SEMA6A: variants seen among roughly 807,000 people sequenced by gnomAD.
The protein encoded by SEMA6A is semaphorin 6A, also known as semaphorin-6A.
SEMA6A carries 25 observed loss-of-function variants against 96.8 expected under a neutral mutation model. The ratio of observed to expected loss-of-function variants is 0.26; its 90% confidence interval spans 0.19 to 0.36. The LOEUF (loss-of-function observed/expected upper bound fraction) is 0.36, where lower values mean the gene tolerates loss of function less well. Ranked by LOEUF, SEMA6A falls within the 10% of genes least tolerant of loss-of-function variation. SEMA6A has a pLI of 1.00. For synonymous variants in SEMA6A, 612 were observed against 518.0 expected, an observed-to-expected ratio of 1.18 and a Z score of -2.46; for missense variants, 1,363 against 1,323.1, an observed-to-expected ratio of 1.03 and a Z score of -0.47.
At chr5:116,463,750 C>T (rs947951441) in intron 18 of SEMA6A, among the ~76,000 whole-genome samples, 1 of 152,146 alleles carries the variant, frequency 6.6e-6, no homozygotes, top group African/African-American at 2.4e-5. Flanking sequence ...ATGGGAACTG[C>T]TCTATATTTA....
chr5:116,509,265 C>CT (rs1758290703), intron 1 of SEMA6A, among the ~76,000 whole-genome samples: 1 of 152,168 alleles, frequency 6.6e-6, no homozygotes, highest in African/African-American at 2.4e-5. Flanking sequence ...TTTAACAACT[C>CT]CAAGTGTGGG....
intron 1 of SEMA6A, among the ~76,000 whole-genome samples, chr5:116,544,325 G>A (rs1199921565): frequency 6.7e-6 from 1 of 150,356 alleles, no homozygotes; most frequent in African/African-American, 2.4e-5. Flanking sequence ...GTCTTACTCT[G>A]TCACCTAGAC....
At chr5:116,537,920 T>A (rs1280166745) in intron 1 of SEMA6A, among the ~76,000 whole-genome samples, 2 of 152,180 alleles carry the variant, frequency 1.3e-5, no homozygotes, top group Non-Finnish European at 2.9e-5. Flanking sequence ...CTCATGCCTA[T>A]AATCCCAGCA....
At chr5:116,480,446 T>TCCTCTGAGCCG (rs1756693996) in intron 11 of SEMA6A, among the ~76,000 whole-genome samples, 169 bp from the exon 12 acceptor site, 1 of 152,166 alleles carries the variant, frequency 6.6e-6, no homozygotes, top group Non-Finnish European at 1.5e-5. Context: ...TGCTGAGATT[T>TCCTCTGAGCCG]CCTCTGAGCC....
At chr5:116,461,487 TTAAAA>T (rs1755393859) in intron 18 of SEMA6A, among the ~76,000 whole-genome samples, 1 of 92,806 alleles carries the variant, frequency 1.1e-5, no homozygotes, top group African/African-American at 3.3e-5. Context: ...AAGCTTAGGC[TTAAAA>T]AAAATAAAAG....
rs758191729 is a variant in SEMA6A at position 116,480,185 on chromosome 5, G to A, written c.1187C>T (p.Pro396Leu). Residue 396 changes from proline (P) to leucine (L), a missense_variant, in exon 12 of 19, where the codon CCG becomes CTG. Pro to Leu is a moderately conservative substitution (Grantham distance 98, BLOSUM62 -3). Around this residue, in one of 2 missense-constraint regions of SEMA6A, gnomAD observed 480 missense variants for 559.5 expected, o/e 0.86. Coordinates refer to ENST00000343348, the MANE Select transcript of SEMA6A (RefSeq NM_020796.5). ...GGAGGGCACTGCCTCATCCATGAGC[G>A]GGTGCGTCTTGATGAAGTTCAGGGT... is the stretch of plus-strand genomic sequence containing the variant. The part of the protein sequence containing the change: ...DDTLNFIKTH[P>L]LMDEAVPSIF... 5 of 1,613,802 alleles carry A rather than the reference G, an allele frequency of 3.1e-6. No homozygotes were observed. Among genetic ancestry groups the A allele is most frequent in the East Asian group, 2.2e-5 (1 of 44,874 alleles).
chr5:116,562,002 T>C (rs1760835546), intron 1 of SEMA6A, among the ~76,000 whole-genome samples: 1 of 152,202 alleles, frequency 6.6e-6, no homozygotes, highest in African/African-American at 2.4e-5. Context: ...GTGTTACCTT[T>C]TCTCTTGGCT....
intron 18 of SEMA6A, among the ~76,000 whole-genome samples, chr5:116,458,432 G>A (rs1229198761): frequency 6.6e-6 from 1 of 152,044 alleles, no homozygotes; most frequent in East Asian, 1.9e-4. Context: ...GAAAAGGGTG[G>A]GGGTAAAGTG....
chr5:116,559,132 A>C (rs1279374334), intron 1 of SEMA6A, among the ~76,000 whole-genome samples: 2 of 152,182 alleles, frequency 1.3e-5, no homozygotes, highest in African/African-American at 4.8e-5. Context: ...TTATGGTATG[A>C]ACCTCCCTAA....
chr5:116,527,389 CAAAAT>C (rs1249910527), intron 1 of SEMA6A, among the ~76,000 whole-genome samples: 5 of 152,088 alleles, frequency 3.3e-5, no homozygotes, highest in Admixed American at 3.3e-4. Context: ...TTGGGGTTTG[CAAAAT>C]AAAATAAACT....
rs981694802 is a variant in SEMA6A at position 116,446,462 on chromosome 5, CCT to C, written c.*149_*150del. The C allele has an allele frequency of 8.1e-5, 51 of 630,830 alleles. No individual in the cohort carries two copies. Among genetic ancestry groups the C allele is most frequent in the South Asian group, 1.8e-4 (5 of 27,442 alleles). 39.1% of individuals were successfully genotyped at this position (630,830 alleles called of 1,614,324 possible). A position where few individuals can be genotyped will look rare whatever the true frequency, so the allele number is the denominator to read the frequency against. On this transcript the variant is annotated 3_prime_UTR_variant, in exon 19 of 19. Transcript: ENST00000343348. ...ACGCGGCCCAGTTTTCGTGAGTACC[CCT>C]GTGTCCCAGAGAGGAGGACCCAGCG... is the stretch of plus-strand genomic sequence containing the variant.
intron 18 of SEMA6A, among the ~76,000 whole-genome samples, chr5:116,460,772 AT>A (rs1384329513): frequency 7.1e-6 from 1 of 141,206 alleles, no homozygotes; most frequent in Non-Finnish European, 1.5e-5. Flanking sequence ...AGAGGTTAAA[AT>A]TGTTAATCTC....
At chr5:116,568,365 C>G (rs1324391423) in intron 1 of SEMA6A, among the ~76,000 whole-genome samples, 1 of 152,120 alleles carries the variant, frequency 6.6e-6, no homozygotes, top group East Asian at 1.9e-4. Flanking sequence ...TAGTGAGAGT[C>G]TGGAACTCAG....
intron 1 of SEMA6A, among the ~76,000 whole-genome samples, chr5:116,527,773 C>T (rs1759295428): frequency 1.3e-5 from 2 of 152,158 alleles, no homozygotes; most frequent in South Asian, 2.1e-4. Context: ...TTAGTAACGA[C>T]TTTCAGTTAA....
chr5:116,520,866 G>A (rs533088187), intron 1 of SEMA6A, among the ~76,000 whole-genome samples: 3 of 152,280 alleles, frequency 2.0e-5, no homozygotes, highest in South Asian at 2.1e-4. Context: ...CCCACGTAGT[G>A]AGGAAGTACT....
intron 1 of SEMA6A, among the ~76,000 whole-genome samples, chr5:116,569,815 A>C (rs913747612): frequency 6.6e-6 from 1 of 152,166 alleles, no homozygotes; most frequent in African/African-American, 2.4e-5. Flanking sequence ...ACTATGAGAA[A>C]GGCAGATATG....
chr5:116,453,308 A>G (rs931959377), intron 18 of SEMA6A, among the ~76,000 whole-genome samples: 2 of 152,130 alleles, frequency 1.3e-5, no homozygotes, highest in African/African-American at 2.4e-5. Flanking sequence ...TTAAATGGGG[A>G]AGCCTTCTCT....
intron 1 of SEMA6A, among the ~76,000 whole-genome samples, chr5:116,542,833 A>G (rs1480616512): frequency 3.3e-5 from 5 of 152,118 alleles, no homozygotes; most frequent in Admixed American, 6.6e-5. Flanking sequence ...GTTCAGGACT[A>G]TTCTGTTTGC....
Position 116,574,438 on chromosome 5 carries a change from CAA to C in SEMA6A, c.-294_-293del, listed in dbSNP as rs553318441. ...GAGAAGGGGAGAGGAAAAAAGAAGC[CAA>C]AAAAAAAAAGAAGAAAAAGAAAAAG... On this transcript the variant is annotated 5_prime_UTR_variant, in exon 1 of 19. Transcript: ENST00000343348. 7 of 134,212 alleles carry C rather than the reference CAA, an allele frequency of 5.2e-5. No homozygotes were observed. Among genetic ancestry groups the C allele is most frequent in the African/African-American group, 1.1e-4 (4 of 36,272 alleles). The allele number at this position is 134,212 out of a possible 1,614,324, so 8.3% of individuals were successfully genotyped here.
Sources: allele counts gnomAD v4.1 joint callset (sites outside exome capture counted in the v4.1 genomes callset), GRCh38; gene constraint gnomAD v4.1.1; regional missense constraint gnomAD v4.1.1; transcripts MANE v1.5; gene names NCBI Gene and HGNC (gene_info 2026-07-23, HGNC 2026-07-21).